Variants in LRFN5 observed in about 807,000 individuals in gnomAD.
LRFN5 encodes leucine rich repeat and fibronectin type III domain containing 5, also known as leucine-rich repeat and fibronectin type-III domain-containing protein 5.
In LRFN5, 24 loss-of-function variants were observed where a neutral mutation model predicts 45.6. The observed-to-expected ratio is 0.53, with a 90% CI of 0.38 to 0.74. LRFN5 has a LOEUF of 0.74. LRFN5 is among the 30% of genes least tolerant of loss of function. The pLI is 0.00. For missense variants in LRFN5, 776 were observed against 861.5 expected, an observed-to-expected ratio of 0.90 and a Z score of 1.24; for synonymous variants, 340 against 313.8, an observed-to-expected ratio of 1.08 and a Z score of -0.88.
intron 1 of LRFN5, among the ~76,000 whole-genome samples, chr14:41,704,588 G>A (rs964280376): frequency 3.3e-5 from 5 of 151,606 alleles, no homozygotes; most frequent in Non-Finnish European, 4.4e-5. Context: ...CCTCCCAAGC[G>A]GGTGGAACTA....
Position 41,737,546 on chromosome 14 carries a change from A to C in LRFN5, c.-196-29308A>C, listed in dbSNP as rs767385733. On this transcript the variant is annotated intron_variant, in intron 1 of 5. Transcript: ENST00000298119. ...GAAATAAAGGGTATTCAAATAGGAGAGAGGAAATCAAATTATCTCTGTTTG... is the reference window on the plus strand; with the variant it reads ...GAAATAAAGGGTATTCAAATAGGAGCGAGGAAATCAAATTATCTCTGTTTG... 1.1e-3 allele frequency among the ~76,000 whole-genome samples: 161 copies of C among 152,254 alleles called. 2 individuals are homozygous for C. Among genetic ancestry groups the C allele is most frequent in the South Asian group, 4.1e-4 (2 of 4,820 alleles).
intron 2 of LRFN5, among the ~76,000 whole-genome samples, chr14:41,777,216 C>A (rs1027961516): frequency 2.0e-5 from 3 of 151,530 alleles, no homozygotes; most frequent in Non-Finnish European, 4.4e-5. Flanking sequence ...TTTAGGAGTA[C>A]ACAAGTTTGG....
intron 2 of LRFN5, among the ~76,000 whole-genome samples, chr14:41,848,066 A>T (rs2139069210): frequency 6.6e-6 from 1 of 152,244 alleles, no homozygotes; most frequent in Admixed American, 6.5e-5. Context: ...CTTTTATATA[A>T]ATGACTGTGG....
At chr14:41,684,211 C>G (rs1027058183) in intron 1 of LRFN5, among the ~76,000 whole-genome samples, 3 of 152,128 alleles carry the variant, frequency 2.0e-5, no homozygotes, top group Non-Finnish European at 4.4e-5. Context: ...ATAAATGTTG[C>G]CTGGAAACCT....
At chr14:41,822,650 T>G (rs1264811776) in intron 2 of LRFN5, among the ~76,000 whole-genome samples, 1 of 152,032 alleles carries the variant, frequency 6.6e-6, no homozygotes, top group Non-Finnish European at 1.5e-5. Flanking sequence ...TGTAAATGTC[T>G]GTTAGGTTCA....
intron 1 of LRFN5, among the ~76,000 whole-genome samples, chr14:41,733,974 C>T (rs1377135652): frequency 6.7e-6 from 1 of 148,214 alleles, no homozygotes; most frequent in Non-Finnish European, 1.5e-5. Flanking sequence ...ATATTCAGGT[C>T]CTCTGATGCT....
chr14:41,822,020 C>G (rs988137433), intron 2 of LRFN5, among the ~76,000 whole-genome samples: 1 of 151,762 alleles, frequency 6.6e-6, no homozygotes, highest in Non-Finnish European at 1.5e-5. Flanking sequence ...TGTTTTTCAA[C>G]TTTGATTGTG....
At chr14:41,673,562 C>T (rs1472902524) in intron 1 of LRFN5, among the ~76,000 whole-genome samples, 12 of 144,032 alleles carry the variant, frequency 8.3e-5, no homozygotes, top group East Asian at 2.1e-4. Flanking sequence ...GGCGGCTGGC[C>T]GGGCAGGGGG....
chr14:41,828,993 C>T (rs917959174), intron 2 of LRFN5, among the ~76,000 whole-genome samples: 2 of 151,952 alleles, frequency 1.3e-5, no homozygotes, highest in Non-Finnish European at 2.9e-5. Flanking sequence ...CCTCTCTCTT[C>T]ATTTATCCTT....
intron 2 of LRFN5, among the ~76,000 whole-genome samples, chr14:41,880,636 G>C (rs201326967): frequency 6.6e-6 from 1 of 152,084 alleles, no homozygotes; most frequent in Non-Finnish European, 1.5e-5. Context: ...AATTAGGTCA[G>C]GTTGGTTGAT....
At chr14:41,861,134 A>T (rs1002734303) in intron 2 of LRFN5, among the ~76,000 whole-genome samples, 1 of 152,220 alleles carries the variant, frequency 6.6e-6, no homozygotes, top group Admixed American at 6.5e-5. Context: ...TAAAGAAAGC[A>T]CATTTCTCTT....
intron 2 of LRFN5, among the ~76,000 whole-genome samples, chr14:41,833,832 C>T (rs1204743191): frequency 6.6e-6 from 1 of 152,148 alleles, no homozygotes; most frequent in Admixed American, 6.5e-5. Flanking sequence ...TGCTCAGATT[C>T]TCCAAATTAG....
chr14:41,713,948 G>T (rs539637460), intron 1 of LRFN5, among the ~76,000 whole-genome samples: 1 of 152,200 alleles, frequency 6.6e-6, no homozygotes, highest in South Asian at 2.1e-4. Flanking sequence ...GCATCAGCAG[G>T]TTACAATCAA....
At chr14:41,802,775 A>G (rs545096164) in intron 2 of LRFN5, among the ~76,000 whole-genome samples, 47 of 152,204 alleles carry the variant, frequency 3.1e-4, no homozygotes, top group Non-Finnish European at 5.0e-4. Context: ...CTCCAAAAAT[A>G]TCACTTACTC....
intron 2 of LRFN5, among the ~76,000 whole-genome samples, chr14:41,856,713 G>A (rs1209355651): frequency 1.6e-5 from 1 of 61,804 alleles, no homozygotes; most frequent in Non-Finnish European, 2.9e-5. Flanking sequence ...GTCTCGTTCT[G>A]TCGCCCAGGC....
intron 2 of LRFN5, among the ~76,000 whole-genome samples, chr14:41,839,829 A>G (rs1347303592): frequency 6.6e-6 from 1 of 152,046 alleles, no homozygotes; most frequent in Non-Finnish European, 1.5e-5. Context: ...TTCAATTTCT[A>G]ACCAGCGGGT....
In LRFN5 at chr14:41,729,074, A is replaced by G. The variant is rs74046695; in HGVS notation, c.-196-37780A>G. Among the ~76,000 whole-genome samples the G allele has an allele frequency of 2.5e-3, 377 of 152,262 alleles. 1 individual carries two copies. The highest frequency in any genetic ancestry group is 8.6e-3 in the African/African-American group (356 of 41,566). ...TGAGCTCAGTTTTTGCAGTTAATCAATCATTCAGTCACACCATCTGATGTG... is the reference window on the plus strand; with the variant it reads ...TGAGCTCAGTTTTTGCAGTTAATCAGTCATTCAGTCACACCATCTGATGTG... On this transcript the variant is annotated intron_variant, in intron 1 of 5. Transcript: ENST00000298119.
chr14:41,885,008 T>C (rs1421541623), intron 2 of LRFN5, among the ~76,000 whole-genome samples: 1 of 152,158 alleles, frequency 6.6e-6, no homozygotes, highest in Admixed American at 6.5e-5. Flanking sequence ...ATTGAAAATA[T>C]GTATGATTTT....
At chr14:41,669,474 A>G (rs1235755089) in intron 1 of LRFN5, among the ~76,000 whole-genome samples, 1 of 152,064 alleles carries the variant, frequency 6.6e-6, no homozygotes, top group Non-Finnish European at 1.5e-5. Context: ...AATTATATCT[A>G]ACATTAGAAT....
Sources: allele counts gnomAD v4.1 joint callset (sites outside exome capture counted in the v4.1 genomes callset), GRCh38; gene constraint gnomAD v4.1.1; transcripts MANE v1.5; gene names NCBI Gene and HGNC (gene_info 2026-07-23, HGNC 2026-07-21).